LCT: variants seen among roughly 807,000 people sequenced by gnomAD.
LCT encodes the protein lactase/phlorizin hydrolase.
Under a neutral mutation model 173.0 loss-of-function variants are expected in LCT, and 90 were observed. The ratio of observed to expected loss-of-function variants is 0.52; its 90% CI spans 0.44 to 0.62. The LOEUF is 0.62. Among genes scored for constraint, LCT ranks in the 20% least tolerant of loss-of-function variants. The probability of loss-of-function intolerance (pLI) is 0.00; values close to 1 mark genes in which losing one functional copy is unlikely to be tolerated. For missense variants in LCT, 1,864 were observed against 2,431.4 expected, an observed-to-expected ratio of 0.77 and a Z score of 4.91; for synonymous variants, 853 against 957.6, an observed-to-expected ratio of 0.89 and a Z score of 2.02.
chr2:135,831,379 A>G, intron 2 of LCT, among the ~76,000 whole-genome samples: 1 of 139,064 alleles, frequency 7.2e-6, no homozygotes, highest in East Asian at 2.3e-4. Context: ...AGGTGAGGCC[A>G]GAGAGAGACA....
At position 135,804,259 on chromosome 2, in the gene LCT, T is replaced by G. The variant is rs1371937504; in HGVS notation, c.4465-131A>C. The G allele has an allele frequency of 1.6e-5, 12 of 766,790 alleles. No homozygotes were observed. In the East Asian group the frequency reaches 2.9e-4, roughly 19 times the overall value. 47.5% of individuals were successfully genotyped at this position (766,790 alleles called of 1,614,324 possible). A position where few individuals can be genotyped will look rare whatever the true frequency, so the allele number is the denominator to read the frequency against. The stretch of plus-strand genomic sequence containing the variant: ...ATGAGACAAAAAGGCTCAAAGATTT[T>G]TTTCTTTTTCTTTTGGGAAAAGGGT... On this transcript the variant is annotated intron_variant, in intron 10 of 16. Transcript: ENST00000264162.
chr2:135,795,612 A>T (rs1030766), intron 13 of LCT, among the ~76,000 whole-genome samples: 90,892 of 135,816 alleles, frequency 0.67, 29,801 homozygotes, highest in Non-Finnish European at 0.78. Flanking sequence ...CTCTAATAAT[A>T]ATAATAATAA....
In LCT at chr2:135,812,550, G is replaced by A. The variant is rs776546002; in HGVS notation, c.2114C>T (p.Thr705Ile). ...PQNTCIPSYD[T>I]IGGFSQHVNH... ...CACGTGTTGGGAGAAGCCTCCAATGGTATCATAGCTAGGGATGCAGGTGTT... is the reference window on the plus strand; with the variant it reads ...CACGTGTTGGGAGAAGCCTCCAATGATATCATAGCTAGGGATGCAGGTGTT... The change falls in exon 7 of 17, where the codon ACC becomes ATC. Residue 705 changes from threonine (T) to isoleucine (I), a missense_variant. Physicochemically the swap from Thr to Ile is moderately conservative, Grantham distance 89. Around this residue, in one of 4 missense-constraint regions of LCT, gnomAD observed 755 missense variants for 926.3 expected, o/e 0.82. Transcript: ENST00000264162. 6.2e-7 allele frequency: 1 copy of A among 1,614,140 alleles called. No homozygotes were observed. Among genetic ancestry groups the A allele is most frequent in the East Asian group, 2.2e-5 (1 of 44,884 alleles).
At chr2:135,801,645 G>A (rs923648839) in intron 11 of LCT, among the ~76,000 whole-genome samples, 1 of 151,776 alleles carries the variant, frequency 6.6e-6, no homozygotes, top group African/African-American at 2.4e-5. Context: ...AATCCAGGAG[G>A]TGGAGACTGC....
chr2:135,807,437 A>G, intron 8 of LCT, 41 bp from the exon 9 acceptor site: 1 of 1,608,074 alleles, frequency 6.2e-7, no homozygotes, highest in Non-Finnish European at 8.5e-7. Flanking sequence ...GCTTGACACC[A>G]GGAGTCAGGA....
chr2:135,823,839 G>T, intron 4 of LCT, 62 bp downstream of exon 4: 1 of 1,135,098 alleles, frequency 8.8e-7, no homozygotes, highest in Non-Finnish European at 1.3e-6. Context: ...TTTCAAGACT[G>T]CTACCTAGCA....
In LCT at chr2:135,815,634, G is replaced by A. The variant is rs183713090; in HGVS notation, c.1707+1707C>T. Among the ~76,000 whole-genome samples the A allele has an allele frequency of 1.4e-3, 216 of 152,166 alleles. 1 individual carries two copies. Among genetic ancestry groups the A allele is most frequent in the African/African-American group, 3.2e-3 (131 of 41,522 alleles). On this transcript the variant is annotated intron_variant, in intron 6 of 16. Transcript: ENST00000264162. ...CCCAAAAGGTTATAACATGTCCAGG[G>A]CATGGCTGTGACCCCTCTTTAACAC...
intron 4 of LCT, chr2:135,823,097 G>A (rs914417905): frequency 1.3e-5 from 2 of 152,292 alleles, no homozygotes; most frequent in Admixed American, 6.5e-5. Flanking sequence ...TATAAATTAC[G>A]CAGTCTAGAG....
chr2:135,818,302 C>G (rs1304875683), intron 5 of LCT, among the ~76,000 whole-genome samples: 1 of 152,160 alleles, frequency 6.6e-6, no homozygotes, highest in Non-Finnish European at 1.5e-5. Flanking sequence ...TGCTACTGTT[C>G]TCTGTATTAG....
chr2:135,834,262 T>A (rs2077965206), intron 1 of LCT, among the ~76,000 whole-genome samples: 1 of 151,900 alleles, frequency 6.6e-6, no homozygotes, highest in Non-Finnish European at 1.5e-5. Context: ...CTCGGCTCAC[T>A]GCAACCTCCG....
intron 6 of LCT, 118 bp downstream of exon 6, chr2:135,817,223 C>G: frequency 7.8e-7 from 1 of 1,279,946 alleles, no homozygotes; most frequent in Non-Finnish European, 1.1e-6. Context: ...CCCCGATTTC[C>G]TTTAAAGAAA....
In LCT at chr2:135,833,051, TAAA is replaced by T. The variant is rs1468617520; in HGVS notation, c.720+57_720+59del. On this transcript the variant is annotated intron_variant, in intron 2 of 16. Transcript: ENST00000264162. ...AATAGACCAAAACTTCTCTTGTTTTTAAAAAATTAAAATCAAACTCTCCTCAGA... is the reference window on the plus strand; with the variant it reads ...AATAGACCAAAACTTCTCTTGTTTTTAAATTAAAATCAAACTCTCCTCAGA... 2.3e-6 allele frequency: 3 copies of T among 1,319,322 alleles called. No individual in the cohort carries two copies. The East Asian group carries it at 6.9e-5, about 30-fold the overall frequency. The allele number at this position is 1,319,322 out of a possible 1,614,324, so 81.7% of individuals were successfully genotyped here.
chr2:135,809,659 A>G lies in LCT; in HGVS notation c.2688T>C (p.Asp896=). ...CCCGAAACGTCCCGTGGTAGAACAA[A>G]TCTCTTTCGAACTTGGGTTGGCTGG... is the stretch of plus-strand genomic sequence containing the variant. The part of the protein sequence containing the change: ...KFSSQPKFER[D]LFYHGTFRDD... The change falls in exon 8 of 17, where the codon GAT becomes GAC. Residue 896 remains aspartate, a synonymous_variant. Coordinates refer to ENST00000264162, the MANE Select transcript of LCT (RefSeq NM_002299.4). The surrounding 1 kb of genome is among the most constrained non-coding windows in gnomAD (Gnocchi z 5.5). 1 of 1,614,168 alleles carries G rather than the reference A, an allele frequency of 6.2e-7. No homozygotes were observed. The highest frequency in any genetic ancestry group is 8.5e-7 in the Non-Finnish European group (1 of 1,180,032).
chr2:135,788,246 G>T lies in LCT; in HGVS notation c.*78C>A. On this transcript the variant is annotated 3_prime_UTR_variant, in exon 17 of 17. Coordinates refer to ENST00000264162, the MANE Select transcript of LCT (RefSeq NM_002299.4). ...GAAGTCCAGTATCAGCAGAGTCTAA[G>T]ACCCTAAGGTGTTTGGTGGCCGGTA... 1 of 1,015,906 alleles carries T rather than the reference G, an allele frequency of 9.8e-7. No homozygotes were observed. Among genetic ancestry groups the T allele is most frequent in the South Asian group, 1.3e-5 (1 of 78,964 alleles). The allele number at this position is 1,015,906 out of a possible 1,614,324, so 62.9% of individuals were successfully genotyped here.
rs202127440 is a variant in LCT, at chr2:135,808,600, C to A, written c.3747G>T (p.Ala1249=). ...TCAGCAGCCTTCGCGTCCCCCAGGG[C>A]GCAGCTCTGTTCATTGCCGTGGAAG... is the stretch of plus-strand genomic sequence containing the variant. The part of the protein sequence containing the change: ...SWPSTAMNRA[A]PWGTRRLLNW... The change falls in exon 8 of 17, where the codon GCG becomes GCT. Residue 1249 remains alanine, a synonymous_variant. Coordinates refer to ENST00000264162, the MANE Select transcript of LCT (RefSeq NM_002299.4). 6 of 1,614,244 alleles carry A rather than the reference C, an allele frequency of 3.7e-6. No homozygotes were observed. Among genetic ancestry groups the A allele is most frequent in the Admixed American group, 1.7e-5 (1 of 60,034 alleles).
chr2:135,826,991 T>A (rs1416252949), intron 3 of LCT, among the ~76,000 whole-genome samples: 1 of 152,182 alleles, frequency 6.6e-6, no homozygotes, highest in Non-Finnish European at 1.5e-5. Flanking sequence ...TTTCTTTATT[T>A]TTTTTTGAGA....
At chr2:135,794,990 A>G (rs978453422) in intron 13 of LCT, among the ~76,000 whole-genome samples, 1 of 151,964 alleles carries the variant, frequency 6.6e-6, no homozygotes, top group Non-Finnish European at 1.5e-5. Flanking sequence ...CTAGGTCTCT[A>G]CAAGAGCCTC....
In LCT at chr2:135,790,526, A is replaced by AC; in HGVS notation, c.5335+131dup. On this transcript the variant is annotated intron_variant, in intron 15 of 16. Coordinates refer to ENST00000264162, the MANE Select transcript of LCT (RefSeq NM_002299.4). The surrounding 1 kb of genome is among the most constrained non-coding windows in gnomAD (Gnocchi z 4.1). ...GAGTGCGGCCCTAAAGCAAAGCTTA[A>AC]CCCCCACAGGAGCAAGAAGGCTTAT... 1 of 661,170 alleles carries AC rather than the reference A, an allele frequency of 1.5e-6. No homozygotes were observed. 41.0% of individuals were successfully genotyped at this position (661,170 alleles called of 1,614,324 possible).
chr2:135,791,372 C>T (rs2077532089), intron 14 of LCT, among the ~76,000 whole-genome samples: 1 of 152,238 alleles, frequency 6.6e-6, no homozygotes, highest in Admixed American at 6.5e-5. Flanking sequence ...AGACAGGCAG[C>T]AGACAGGCTG....
Sources: gnomAD v4.1 joint callset for allele counts (sites outside exome capture counted in the v4.1 genomes callset) on GRCh38, gnomAD v4.1.1 for gene constraint, gnomAD v4.1.1 regional missense constraint, Gnocchi (gnomAD v3.1) non-coding constraint, MANE v1.5 for transcripts, NCBI Gene and HGNC (gene_info 2026-07-23, HGNC 2026-07-21) for gene names.